Variants in AGMO observed in about 807,000 individuals in gnomAD.
AGMO encodes the protein alkylglycerol monooxygenase.
A neutral mutation model predicts 60.2 loss-of-function variants in AGMO; 75 were observed. That is an observed-to-expected ratio of 1.25 (90% confidence interval 1.03 to 1.51). The LOEUF (loss-of-function observed/expected upper bound fraction) is 1.51, where lower values mean the gene tolerates loss of function less well. Among genes scored for constraint, AGMO ranks in the 40% most tolerant of loss-of-function variants. The pLI, the probability that AGMO is intolerant of heterozygous loss-of-function variation, is 0.00. For synonymous variants in AGMO, 261 were observed against 177.1 expected (o/e 1.47, Z -3.76); for missense variants, 763 against 525.5 (o/e 1.45, Z -4.42).
chr7:15,156,237 CA>C, the AGMO span, among the ~76,000 whole-genome samples: 3 of 152,124 alleles, frequency 2.0e-5, no homozygotes, highest in Non-Finnish European at 4.4e-5. Context: ...GGTCCATCTG[CA>C]AAAATATTGT....
intron 12 of AGMO, among the ~76,000 whole-genome samples, chr7:15,287,349 A>G (rs2128520764): frequency 6.6e-6 from 1 of 152,188 alleles, no homozygotes; most frequent in East Asian, 1.9e-4. Flanking sequence ...CTCATATCTG[A>G]TATTTCCACT....
chr7:15,476,206 G>A (rs1442663039), intron 3 of AGMO, among the ~76,000 whole-genome samples: 5 of 152,082 alleles, frequency 3.3e-5, no homozygotes, highest in African/African-American at 4.8e-5. Flanking sequence ...TGCTGCTCGA[G>A]TAAGCAGAGG....
At chr7:15,354,457 C>T (rs1395944671) in intron 12 of AGMO, among the ~76,000 whole-genome samples, 1,684 of 17,508 alleles carry the variant, frequency 0.096, 188 homozygotes, top group Middle Eastern at 0.19. Flanking sequence ...TGTGTGTATA[C>T]ACACGTGTGT....
chr7:15,236,375 T>A (rs1782419801), intron 12 of AGMO, among the ~76,000 whole-genome samples: 1 of 152,080 alleles, frequency 6.6e-6, no homozygotes, highest in Non-Finnish European at 1.5e-5. Context: ...TTTAATGAAT[T>A]TGAAGGAGGA....
intron 5 of AGMO, among the ~76,000 whole-genome samples, chr7:15,401,764 C>T (rs1784558245): frequency 6.6e-6 from 1 of 152,034 alleles, no homozygotes; most frequent in African/African-American, 2.4e-5. Context: ...GAAAATATAT[C>T]CTAAAAAGCA....
intron 10 of AGMO, among the ~76,000 whole-genome samples, chr7:15,375,625 G>A (rs1783420904): frequency 6.6e-6 from 1 of 151,972 alleles, no homozygotes; most frequent in African/African-American, 2.4e-5. Flanking sequence ...TCAAACTCCT[G>A]ACCTCAAGTG....
intron 12 of AGMO, among the ~76,000 whole-genome samples, chr7:15,310,705 T>C (rs367971619): frequency 4.6e-5 from 7 of 152,328 alleles, no homozygotes; most frequent in Middle Eastern, 6.8e-3. Context: ...CTGTTTCAAA[T>C]AGCCACAAAC....
intron 4 of AGMO, among the ~76,000 whole-genome samples, chr7:15,421,718 G>A (rs936965288): frequency 6.6e-6 from 1 of 152,086 alleles, no homozygotes; most frequent in African/African-American, 2.4e-5. Context: ...TGGGGTCTAT[G>A]GGGTGTATGT....
At chr7:15,313,651 A>C (rs1780831143) in intron 12 of AGMO, among the ~76,000 whole-genome samples, 1 of 152,078 alleles carries the variant, frequency 6.6e-6, no homozygotes, top group Non-Finnish European at 1.5e-5. Flanking sequence ...AGTAATATAA[A>C]ATGGTTCCCC....
intron 2 of AGMO, among the ~76,000 whole-genome samples, chr7:15,555,292 TACACACACACACACACAC>T (rs58173194): frequency 2.6e-4 from 25 of 95,852 alleles, no homozygotes; most frequent in Middle Eastern, 5.6e-3. Context: ...TATATATATA[TACACACACACACACACAC>T]ACACACACAC....
chr7:15,147,750 A>C, the AGMO span, among the ~76,000 whole-genome samples: 1 of 152,158 alleles, frequency 6.6e-6, no homozygotes, highest in Non-Finnish European at 1.5e-5. Flanking sequence ...AAGAGGGAAA[A>C]ATATATACCA....
At chr7:15,182,905 G>A in the AGMO span, among the ~76,000 whole-genome samples, 4 of 152,132 alleles carry the variant, frequency 2.6e-5, no homozygotes, top group African/African-American at 9.6e-5. Context: ...ATCTTATAAG[G>A]CCATACAGGA....
intron 12 of AGMO, among the ~76,000 whole-genome samples, chr7:15,289,928 A>G (rs1784209728): frequency 8.1e-6 from 1 of 123,172 alleles, no homozygotes; most frequent in Admixed American, 8.5e-5. Context: ...CAAGAGTATC[A>G]TTTATTCCAG....
At chr7:15,524,768 A>C (rs1784080229) in intron 3 of AGMO, among the ~76,000 whole-genome samples, 1 of 151,740 alleles carries the variant, frequency 6.6e-6, no homozygotes, top group Non-Finnish European at 1.5e-5. Flanking sequence ...AGGCTGAGGC[A>C]GGAGAATCAC....
rs552071741 is a variant in AGMO at position 15,397,051 on chromosome 7, A to G, written c.610-2872T>C. On this transcript the variant is annotated intron_variant, in intron 5 of 12. Transcript: ENST00000342526. ...ACACAGAAAAGTTCTCCAAGTCACC[A>G]CCGGTCCCAGAAGCCCAGTTGGCTT... Among the ~76,000 whole-genome samples, 7 of 152,220 alleles carry G rather than the reference A, an allele frequency of 4.6e-5. No homozygotes were observed. The South Asian group carries it at 8.3e-4, about 18-fold the overall frequency.
At chr7:15,123,397 A>G in the AGMO span, among the ~76,000 whole-genome samples, 4 of 151,968 alleles carry the variant, frequency 2.6e-5, no homozygotes, top group South Asian at 2.1e-4. Flanking sequence ...TATTTTTTCA[A>G]TGTATCCTAA....
intron 12 of AGMO, among the ~76,000 whole-genome samples, chr7:15,353,110 G>T (rs528019342): frequency 6.6e-6 from 1 of 152,206 alleles, no homozygotes; most frequent in Admixed American, 6.5e-5. Flanking sequence ...AGGGGGCAGG[G>T]TTCTTTTTTA....
In AGMO at chr7:15,366,221, G is replaced by A. The variant is rs778710561; in HGVS notation, c.1076C>T (p.Ala359Val). Residue 359 changes from alanine (A) to valine (V), a missense_variant and splice_region_variant, in exon 11 of 13, where the codon GCA becomes GTA. Physicochemically the swap from Ala to Val is moderately conservative, Grantham distance 64. Coordinates refer to ENST00000342526, the MANE Select transcript of AGMO (RefSeq NM_001004320.2). ...CAGAAGGAGAGTAACTTGCGACAGT[G>A]CCTGTCAAACAAACACGGAGATCAA... ...FYEETFADTA[A>V]LSQVTLLLRV... 2.5e-6 allele frequency: 4 copies of A among 1,601,338 alleles called. No individual in the cohort carries two copies. Among genetic ancestry groups the A allele is most frequent in the Middle Eastern group, 3.3e-4 (2 of 6,048 alleles).
At chr7:15,396,534 A>AGAACAAAG (rs1784394262) in intron 5 of AGMO, 1 of 152,216 alleles carries the variant, frequency 6.6e-6, no homozygotes. Context: ...AAAGAGCAAA[A>AGAACAAAG]GAACAAAGCT....
Sources: gnomAD v4.1 joint callset for allele counts (sites outside exome capture counted in the v4.1 genomes callset) on GRCh38, gnomAD v4.1.1 for gene constraint, MANE v1.5 for transcripts, NCBI Gene and HGNC (gene_info 2026-07-23, HGNC 2026-07-21) for gene names.